AREL1: variants seen among roughly 807,000 people sequenced by gnomAD.
AREL1 encodes apoptosis-resistant E3 ubiquitin protein ligase 1.
In AREL1, 62 loss-of-function variants were observed where a neutral mutation model predicts 99.0. The observed-to-expected ratio is 0.63, with a 90% CI of 0.51 to 0.77. The LOEUF (loss-of-function observed/expected upper bound fraction) is 0.77, where lower values mean the gene tolerates loss of function less well. AREL1 is among the 30% of genes least tolerant of loss of function. The pLI is 0.00. For missense variants in AREL1, 879 were observed against 1,027.6 expected (o/e 0.86, Z 1.98); for synonymous variants, 380 against 376.5 (o/e 1.01, Z -0.11).
intron 1 of AREL1, among the ~76,000 whole-genome samples, chr14:74,699,373 G>A (rs2090039005): frequency 7.7e-6 from 1 of 129,972 alleles, no homozygotes; most frequent in Non-Finnish European, 1.7e-5. Context: ...GTGTGTGTGT[G>A]TGTGAGAGAG....
In AREL1 at chr14:74,678,493, C is replaced by A. The variant is rs183928194; in HGVS notation, c.482-1741G>T. 6.8e-3 allele frequency among the ~76,000 whole-genome samples: 980 copies of A among 143,638 alleles called. 6 individuals are homozygous for A. Among genetic ancestry groups the A allele is most frequent in the African/African-American group, 0.023 (846 of 37,286 alleles). The allele number at this position is 143,638 out of a possible 152,430, so 94.2% of individuals were successfully genotyped here. On this transcript the variant is annotated intron_variant, in intron 5 of 19. Coordinates refer to ENST00000356357, the MANE Select transcript of AREL1 (RefSeq NM_001039479.2). ...GCCTGGGTGACAGAGTGAGACCCTGCCTCAAAAAAAAAAAAGAAAAGAAGA... is the reference window on the plus strand; with the variant it reads ...GCCTGGGTGACAGAGTGAGACCCTGACTCAAAAAAAAAAAAGAAAAGAAGA...
intron 11 of AREL1, among the ~76,000 whole-genome samples, chr14:74,672,481 A>G (rs1477681535): frequency 2.5e-4 from 38 of 152,230 alleles, no homozygotes; most frequent in Admixed American, 2.5e-3. Flanking sequence ...TCATGCCTGT[A>G]ATCCCAACAC....
At position 74,684,523 on chromosome 14, in the gene AREL1, C is replaced by T. The variant is rs748289816; in HGVS notation, c.174G>A (p.Arg58=). The change falls in exon 4 of 20, where the codon CGG becomes CGA. Residue 58 remains arginine, a synonymous_variant. Coordinates refer to ENST00000356357, the MANE Select transcript of AREL1 (RefSeq NM_001039479.2). ...TCCAATCCCAGGAGACTTTGCAAGACCGGGGATCCAGGTAATTTCCCCGCA... is the reference window on the plus strand; with the variant it reads ...TCCAATCCCAGGAGACTTTGCAAGATCGGGGATCCAGGTAATTTCCCCGCA... ...DYVRGNYLDP[R]SCKVSWDWKD... 9.3e-6 allele frequency: 15 copies of T among 1,614,138 alleles called. No homozygotes were observed. The highest frequency in any genetic ancestry group is 1.3e-5 in the Non-Finnish European group (15 of 1,180,036).
intron 2 of AREL1, among the ~76,000 whole-genome samples, chr14:74,690,595 T>C (rs181588494): frequency 8.9e-4 from 136 of 152,316 alleles, no homozygotes; most frequent in African/African-American, 3.2e-3. Flanking sequence ...TGCTCTACTT[T>C]TTGCTATTCA....
intron 1 of AREL1, among the ~76,000 whole-genome samples, chr14:74,704,526 A>G (rs1219639504): frequency 2.0e-5 from 3 of 152,086 alleles, no homozygotes; most frequent in Non-Finnish European, 4.4e-5. Flanking sequence ...ATATGCATCT[A>G]TCTCGGTAGG....
intron 1 of AREL1, among the ~76,000 whole-genome samples, chr14:74,693,357 T>C (rs531346767): frequency 6.6e-6 from 1 of 152,348 alleles, no homozygotes; most frequent in East Asian, 1.9e-4. Flanking sequence ...ATCTGTGAAC[T>C]TTCAAAATAA....
chr14:74,689,586 ACTTTT>A (rs1277672968), intron 2 of AREL1, among the ~76,000 whole-genome samples: 32 of 118,486 alleles, frequency 2.7e-4, no homozygotes, highest in Admixed American at 8.6e-4. Context: ...ATCTTATAGC[ACTTTT>A]CTTTTTTTTT....
rs774980956 is a variant in AREL1, at chr14:74,674,022, G to A, written c.1158+12C>T. On this transcript the variant is annotated intron_variant, in intron 9 of 19. Transcript: ENST00000356357. Reference sequence around the variant, plus strand: ...CATGCTTGATGTGAACCAGATGTAAGGTTCAGCTTACTTTTGTTCCTGGAC... The same window carrying A: ...CATGCTTGATGTGAACCAGATGTAAAGTTCAGCTTACTTTTGTTCCTGGAC... 6.2e-7 allele frequency: 1 copy of A among 1,601,712 alleles called. No homozygotes were observed. The highest frequency in any genetic ancestry group is 2.2e-5 in the East Asian group (1 of 44,808).
At chr14:74,687,704 T>C (rs2089778342) in intron 2 of AREL1, among the ~76,000 whole-genome samples, 1 of 152,188 alleles carries the variant, frequency 6.6e-6, no homozygotes, top group African/African-American at 2.4e-5. Context: ...AGTTAACACA[T>C]GTAAGCAGCC....
At chr14:74,691,688 A>T (rs2089884912) in intron 2 of AREL1, among the ~76,000 whole-genome samples, 1 of 152,216 alleles carries the variant, frequency 6.6e-6, no homozygotes, top group Admixed American at 6.5e-5. Context: ...TTTGGCTCAC[A>T]TTACCTACCA....
At chr14:74,667,284 A>G (rs1475525627) in intron 17 of AREL1, 35 bp downstream of exon 17, 1 of 1,613,672 alleles carries the variant, frequency 6.2e-7, no homozygotes, top group South Asian at 1.1e-5. Flanking sequence ...AAAAATGCCA[A>G]GTTAAGAATG....
At chr14:74,676,438 AT>A (rs1195673239) in intron 6 of AREL1, 117 bp from the exon 7 acceptor site, 7 of 1,426,198 alleles carry the variant, frequency 4.9e-6, no homozygotes, top group Non-Finnish European at 5.7e-6. Context: ...AAAATTACTA[AT>A]GAGACAGGTA....
chr14:74,696,917 T>C (rs2089987189), intron 1 of AREL1, among the ~76,000 whole-genome samples: 2 of 152,228 alleles, frequency 1.3e-5, no homozygotes, highest in South Asian at 2.1e-4. Flanking sequence ...TGAGCCAAGA[T>C]TGCGCCACTG....
At position 74,689,990 on chromosome 14, in the gene AREL1, G is replaced by A. The variant is rs553028113; in HGVS notation, c.-46+2051C>T. Among the ~76,000 whole-genome samples the A allele has an allele frequency of 5.9e-3, 899 of 151,870 alleles. 4 individuals carry two copies. Among genetic ancestry groups the A allele is most frequent in the Non-Finnish European group, 8.4e-3 (572 of 67,890 alleles). ...AGGCTGGGCATGGTGGCTCATGTCT[G>A]TAACCCCAACACTTTGGGAGGCTGA... is the stretch of plus-strand genomic sequence containing the variant. On this transcript the variant is annotated intron_variant, in intron 2 of 19. Transcript: ENST00000356357.
At chr14:74,672,455 G>A (rs908970813) in intron 11 of AREL1, among the ~76,000 whole-genome samples, 1 of 152,188 alleles carries the variant, frequency 6.6e-6, no homozygotes, top group Non-Finnish European at 1.5e-5. Flanking sequence ...AAGATAACCA[G>A]ATCAGGCATG....
chr14:74,669,488 C>T (rs1441398214), intron 15 of AREL1, among the ~76,000 whole-genome samples, 161 bp downstream of exon 15: 5 of 152,168 alleles, frequency 3.3e-5, no homozygotes, highest in East Asian at 1.9e-4. Flanking sequence ...TATACATTAA[C>T]TAAAATGAGA....
In AREL1 at chr14:74,667,535, G is replaced by C. The variant is rs745482901; in HGVS notation, c.1974C>G (p.Phe658Leu). 6.2e-7 allele frequency: 1 copy of C among 1,613,922 alleles called. No individual in the cohort carries two copies. Among genetic ancestry groups the C allele is most frequent in the South Asian group, 1.1e-5 (1 of 91,024 alleles). ...GATATTGGGCCAGCAAATTTAAATA[G>C]AAGATTTTATTCGCATTGGTGACTG... ...QTPVTNANKI[F>L]YLNLLAQYRL... The change falls in exon 16 of 20, where the codon TTC becomes TTG. Residue 658 changes from phenylalanine to leucine, a missense_variant. Transcript: ENST00000356357.
Position 74,671,560 on chromosome 14 carries a change from A to G in AREL1, c.1423-77T>C, listed in dbSNP as rs549647902. 154 of 960,276 alleles carry G rather than the reference A, an allele frequency of 1.6e-4. No individual in the cohort carries two copies. In the African/African-American group the frequency reaches 2.4e-3, roughly 15 times the overall value. 59.5% of individuals were successfully genotyped at this position (960,276 alleles called of 1,614,324 possible). ...TGGATGTTAAAGACAACACAAGAGC[A>G]CTGCCATTGTCTGCTGGACTAACTA... is the stretch of plus-strand genomic sequence containing the variant. On this transcript the variant is annotated intron_variant, in intron 11 of 19. Coordinates refer to ENST00000356357, the MANE Select transcript of AREL1 (RefSeq NM_001039479.2).
chr14:74,696,965 A>AAAAAT (rs1466471485), intron 1 of AREL1, among the ~76,000 whole-genome samples: 1 of 152,148 alleles, frequency 6.6e-6, no homozygotes, highest in Non-Finnish European at 1.5e-5. Context: ...CTTCGTCTCA[A>AAAAAT]AAAATAAAAT....
Sources: gnomAD v4.1 joint callset for allele counts (sites outside exome capture counted in the v4.1 genomes callset) on GRCh38, gnomAD v4.1.1 for gene constraint, MANE v1.5 for transcripts, NCBI Gene and HGNC (gene_info 2026-07-23, HGNC 2026-07-21) for gene names.